Variants in C5 observed in about 807,000 individuals in gnomAD.
C5 encodes the protein complement C5, also known as C3 and PZP-like alpha-2-macroglobulin domain-containing protein 4.
In C5, 140 loss-of-function variants were observed where a neutral mutation model predicts 218.8. The observed-to-expected ratio is 0.64, with a 90% CI of 0.56 to 0.74. C5 has a LOEUF of 0.74. Among genes scored for constraint, C5 ranks in the 30% least tolerant of loss-of-function variants. The probability of loss-of-function intolerance (pLI) is 0.00; values close to 1 mark genes in which losing one functional copy is unlikely to be tolerated. For synonymous variants in C5, 614 were observed against 682.3 expected, an observed-to-expected ratio of 0.90 and a Z score of 1.56; for missense variants, 1,700 against 1,969.6, an observed-to-expected ratio of 0.86 and a Z score of 2.59.
the C5 span, among the ~76,000 whole-genome samples, chr9:121,067,198 G>A: frequency 6.6e-6 from 1 of 151,958 alleles, no homozygotes; most frequent in African/African-American, 2.4e-5. Context: ...GTCCCAGAAG[G>A]TCAGGGCTGC....
At chr9:120,967,899 T>C (rs1337436497) in intron 33 of C5, among the ~76,000 whole-genome samples, 2 of 151,908 alleles carry the variant, frequency 1.3e-5, no homozygotes, top group African/African-American at 2.4e-5. Context: ...TTTTTAAAAT[T>C]TGCTGTAGAG....
At position 121,050,232 on chromosome 9, in the gene C5, T is replaced by C. The variant is rs1236537934; in HGVS notation, c.15A>G (p.Gly5=). Residue 5 remains glycine (G), a synonymous_variant, in exon 1 of 41, where the codon GGA becomes GGG. Coordinates refer to ENST00000223642, the MANE Select transcript of C5 (RefSeq NM_001735.3). ...CCAGGAAGATTAAAAAACAAAGTATTCCCAAAAGGCCCATGGTTGGAGGTA... is the reference window on the plus strand; with the variant it reads ...CCAGGAAGATTAAAAAACAAAGTATCCCCAAAAGGCCCATGGTTGGAGGTA... MGLL[G]ILCFLIFLGK... is the part of the protein sequence containing the mutation. The C allele has an allele frequency of 2.5e-6, 4 of 1,613,736 alleles. No individual in the cohort carries two copies. In the African/African-American group the frequency reaches 5.3e-5, roughly 22 times the overall value.
At chr9:121,046,163 A>G in intron 2 of C5, 28 bp downstream of exon 2, 1 of 1,150,010 alleles carries the variant, frequency 8.7e-7, no homozygotes, top group Non-Finnish European at 1.3e-6. Flanking sequence ...GTATATATAT[A>G]TAAAGAAAAT....
chr9:120,989,467 C>A (rs2047059271), intron 24 of C5, 101 bp downstream of exon 24: 1 of 800,410 alleles, frequency 1.2e-6, no homozygotes, highest in Non-Finnish European at 2.0e-6. Context: ...TGCTAAAATT[C>A]TCTTACAAAG....
intron 7 of C5, among the ~76,000 whole-genome samples, chr9:121,028,457 A>G (rs942390291): frequency 1.3e-5 from 2 of 152,252 alleles, no homozygotes; most frequent in Admixed American, 6.5e-5. Context: ...ATGCCCATCA[A>G]TGATAGACTG....
In C5 at chr9:121,008,494, C is replaced by T. The variant is rs1363220540; in HGVS notation, c.2262G>A (p.Met754Ile). ...GCTTGCTTACTGGTAACAGGGTCTTCATGTCTGGACAAAAAAATCATATTC... is the reference window on the plus strand; with the variant it reads ...GCTTGCTTACTGGTAACAGGGTCTTTATGTCTGGACAAAAAAATCATATTC... Reference protein sequence around the residue: ...HKDMQLGRLHMKTLLPVSKPE... With the variant: ...HKDMQLGRLHIKTLLPVSKPE... The change falls in exon 18 of 41, where the codon ATG becomes ATA. Residue 754 changes from methionine (M) to isoleucine (I), a missense_variant. Physicochemically the swap from Met to Ile is conservative, Grantham distance 10 (BLOSUM62 1). Coordinates refer to ENST00000223642, the MANE Select transcript of C5 (RefSeq NM_001735.3). 2 of 1,608,692 alleles carry T rather than the reference C, an allele frequency of 1.2e-6. No homozygotes were observed. The highest frequency in any genetic ancestry group is 1.7e-6 in the Non-Finnish European group (2 of 1,175,200).
the C5 span, among the ~76,000 whole-genome samples, chr9:121,062,417 C>A: frequency 6.6e-6 from 1 of 152,160 alleles, no homozygotes; most frequent in African/African-American, 2.4e-5. Context: ...AAGTGTGGGG[C>A]CCTTCTGCGT....
intron 33 of C5, among the ~76,000 whole-genome samples, chr9:120,965,354 T>C (rs2046859383): frequency 6.6e-6 from 1 of 151,866 alleles, no homozygotes; most frequent in Non-Finnish European, 1.5e-5. Context: ...ACCACTTCTC[T>C]ACTAAAAATA....
At chr9:120,979,314 T>A (rs1391650647) in intron 28 of C5, among the ~76,000 whole-genome samples, 4 of 152,222 alleles carry the variant, frequency 2.6e-5, no homozygotes, top group Admixed American at 2.6e-4. Flanking sequence ...TTAGTGAAAC[T>A]TAAGCCCAGT....
At chr9:121,067,491 G>A in the C5 span, among the ~76,000 whole-genome samples, 11,885 of 151,842 alleles carry the variant, frequency 0.078, 531 homozygotes, top group Non-Finnish European at 0.11. Flanking sequence ...TTGAACTCGG[G>A]GGGTGGAGAT....
Position 120,991,161 on chromosome 9 carries a change from G to A in C5, c.2941+30C>T, listed in dbSNP as rs781291433. On this transcript the variant is annotated intron_variant, in intron 23 of 40. Transcript: ENST00000223642. The stretch of plus-strand genomic sequence containing the variant: ...TTTTGTTTGAAGCACCAAGTGAAAT[G>A]AGAAATAAAAATGGCATTTGTTAAT... 2.5e-5 allele frequency: 32 copies of A among 1,256,210 alleles called. No individual in the cohort carries two copies. In the South Asian group the frequency reaches 3.7e-4, roughly 15 times the overall value. The allele number at this position is 1,256,210 out of a possible 1,614,324, so 77.8% of individuals were successfully genotyped here. A position where few individuals can be genotyped will look rare whatever the true frequency, so the allele number is the denominator to read the frequency against.
chr9:121,023,137 G>T (rs1468274121), intron 10 of C5, among the ~76,000 whole-genome samples: 6 of 152,118 alleles, frequency 3.9e-5, no homozygotes, highest in Non-Finnish European at 5.9e-5. Flanking sequence ...ATAATTTAAT[G>T]CTTATTTATT....
At position 120,976,815 on chromosome 9, in the gene C5, G is replaced by T. The variant is rs966095081; in HGVS notation, c.3749C>A (p.Thr1250Lys). The T allele has an allele frequency of 3.1e-6, 5 of 1,614,032 alleles. No homozygotes were observed. The highest frequency in any genetic ancestry group is 1.3e-5 in the African/African-American group (1 of 75,040). The change falls in exon 29 of 41, where the codon ACA (threonine) becomes AAA (lysine). Residue 1250 changes from threonine to lysine, a missense_variant. By Grantham distance (78) the Thr-to-Lys change is moderately conservative (BLOSUM62 -1). Coordinates refer to ENST00000223642, the MANE Select transcript of C5 (RefSeq NM_001735.3). ...PNTGTARMVETTAYALLTSLN... is the reference protein window; with the variant it reads ...PNTGTARMVEKTAYALLTSLN... ...ACTGGTGAGTAAAGCATAGGCAGTT[G>T]TTTCTACCATACGTGCCGTACCAGT...
chr9:120,974,394 G>A (rs1222959483), intron 30 of C5, among the ~76,000 whole-genome samples: 1 of 152,164 alleles, frequency 6.6e-6, no homozygotes, highest in Non-Finnish European at 1.5e-5. Flanking sequence ...TGTTATCTAT[G>A]TCTGGAATGT....
chr9:121,071,870 G>GT, the C5 span, among the ~76,000 whole-genome samples: 1 of 10,744 alleles, frequency 9.3e-5, no homozygotes, highest in Non-Finnish European at 2.7e-4. Flanking sequence ...TTGGAAAAAA[G>GT]ACTGAGTAAA....
At chr9:121,014,832 T>C (rs537398601) in intron 16 of C5, among the ~76,000 whole-genome samples, 1 of 152,262 alleles carries the variant, frequency 6.6e-6, no homozygotes, top group South Asian at 2.1e-4. Flanking sequence ...ATAGAAGTAA[T>C]AGACTTCTAG....
At chr9:120,966,335 T>C (rs2269064) in intron 33 of C5, among the ~76,000 whole-genome samples, 30,293 of 152,188 alleles carry the variant, frequency 0.2, 5,308 homozygotes, top group African/African-American at 0.47. Context: ...TGATAACAGC[T>C]TTTTTCTGTA....
Position 120,972,002 on chromosome 9 carries a change from T to A in C5, c.4018-10A>T. 6.3e-7 allele frequency: 1 copy of A among 1,599,512 alleles called. No individual in the cohort carries two copies. The highest frequency in any genetic ancestry group is 8.5e-7 in the Non-Finnish European group (1 of 1,176,898). ...CATCATTGAGAAGCACCTGGAAAGA[T>A]AATAGAGAAACAAACCATGCTTTCT... On this transcript the variant is annotated splice_polypyrimidine_tract_variant and intron_variant, in intron 30 of 40. Coordinates refer to ENST00000223642, the MANE Select transcript of C5 (RefSeq NM_001735.3).
chr9:120,962,537 A>C, intron 36 of C5, 134 bp downstream of exon 36: 1 of 769,288 alleles, frequency 1.3e-6, no homozygotes, highest in Non-Finnish European at 2.3e-6. Flanking sequence ...TGAATGTTCA[A>C]ATTGGGACTT....
Sources: gnomAD v4.1 joint callset for allele counts (sites outside exome capture counted in the v4.1 genomes callset) on GRCh38, gnomAD v4.1.1 for gene constraint, MANE v1.5 for transcripts, NCBI Gene and HGNC (gene_info 2026-07-23, HGNC 2026-07-21) for gene names.